The following TMX3 variants were observed in gnomAD, a reference collection of about 807,000 sequenced individuals.
TMX3 encodes protein disulfide-isomerase TMX3.
In TMX3, 40 loss-of-function variants were observed where a neutral mutation model predicts 64.4. The ratio of observed to expected loss-of-function variants is 0.62; its 90% confidence interval spans 0.48 to 0.81. The LOEUF (loss-of-function observed/expected upper bound fraction) is 0.81. Ranked by LOEUF, TMX3 falls within the 30% of genes least tolerant of loss-of-function variation. The pLI is 0.00. For synonymous variants in TMX3, 189 were observed against 175.7 expected (o/e 1.08, Z -0.60); for missense variants, 497 against 534.5 (o/e 0.93, Z 0.69).
chr18:68,708,023 A>G (rs927162469), intron 4 of TMX3, among the ~76,000 whole-genome samples: 1 of 128,374 alleles, frequency 7.8e-6, no homozygotes, highest in Non-Finnish European at 1.5e-5. Flanking sequence ...ATGTGTATAT[A>G]TGTGTATATG....
chr18:68,679,823 C>A (rs540490357), intron 14 of TMX3, among the ~76,000 whole-genome samples: 1 of 152,260 alleles, frequency 6.6e-6, no homozygotes, highest in Admixed American at 6.5e-5. Context: ...GACAGCCTAA[C>A]CAGCTTTTGA....
intron 8 of TMX3, among the ~76,000 whole-genome samples, chr18:68,695,260 A>G (rs1329354638): frequency 3.9e-5 from 6 of 152,156 alleles, no homozygotes; most frequent in African/African-American, 1.4e-4. Flanking sequence ...CACTTCTTTT[A>G]AAACACTTCG....
At chr18:68,713,736 T>A in intron 2 of TMX3, 110 bp downstream of exon 2, 4 of 481,674 alleles carry the variant, frequency 8.3e-6, no homozygotes, top group Non-Finnish European at 1.4e-5. Flanking sequence ...AAAAAATGAG[T>A]GATATATAAA....
At position 68,714,439 on chromosome 18, in the gene TMX3, G is replaced by A. The variant is rs141942188; in HGVS notation, c.46+497C>T. On this transcript the variant is annotated intron_variant, in intron 1 of 15. Transcript: ENST00000299608. ...GAGAATGAGGGCACTCCATGCTGAC[G>A]GGAGGCAGCTGAGAACCGCTGACAC... is the stretch of plus-strand genomic sequence containing the variant. 1.4e-3 allele frequency: 234 copies of A among 161,850 alleles called. 2 individuals are homozygous for A. The highest frequency in any genetic ancestry group is 5.4e-3 in the African/African-American group (226 of 41,720). 10.0% of individuals were successfully genotyped at this position (161,850 alleles called of 1,614,324 possible).
At chr18:68,685,090 T>C (rs1913813952) in intron 10 of TMX3, among the ~76,000 whole-genome samples, 1 of 151,974 alleles carries the variant, frequency 6.6e-6, no homozygotes, top group African/African-American at 2.4e-5. Context: ...ACCAGAAGAG[T>C]GGTGTTAGAA....
intron 4 of TMX3, among the ~76,000 whole-genome samples, chr18:68,707,715 C>T (rs1255590891): frequency 2.6e-5 from 4 of 152,150 alleles, no homozygotes; most frequent in Non-Finnish European, 4.4e-5. Flanking sequence ...ACTTACTGCT[C>T]TTGTTGGTTT....
At chr18:68,679,905 G>A (rs1267527740) in intron 14 of TMX3, among the ~76,000 whole-genome samples, 1 of 152,112 alleles carries the variant, frequency 6.6e-6, no homozygotes, top group African/African-American at 2.4e-5. Flanking sequence ...GCTTCCCTGA[G>A]GATGAAAGTG....
At chr18:68,685,306 T>A (rs1177709657) in intron 10 of TMX3, among the ~76,000 whole-genome samples, 1 of 152,206 alleles carries the variant, frequency 6.6e-6, no homozygotes, top group Non-Finnish European at 1.5e-5. Flanking sequence ...TACATACATG[T>A]AGGATTAAAT....
chr18:68,681,579 G>A (rs1263441520), intron 13 of TMX3: 2 of 985,026 alleles, frequency 2.0e-6, no homozygotes, highest in Non-Finnish European at 2.4e-6. Context: ...GAAGTAAGGT[G>A]ATGCTACATT....
intron 8 of TMX3, among the ~76,000 whole-genome samples, 169 bp from the exon 9 acceptor site, chr18:68,691,530 G>A (rs529896374): frequency 6.6e-6 from 1 of 152,262 alleles, no homozygotes; most frequent in East Asian, 1.9e-4. Context: ...CATCCAAGAA[G>A]TATATCTGAA....
intron 15 of TMX3, 98 bp from the exon 16 acceptor site, chr18:68,677,291 T>C (rs779076748): frequency 1.5e-5 from 20 of 1,345,894 alleles, no homozygotes; most frequent in Admixed American, 2.4e-5. Flanking sequence ...CTCTTGTTGC[T>C]ATTCAGCTTG....
intron 8 of TMX3, among the ~76,000 whole-genome samples, chr18:68,693,207 C>T (rs781610454): frequency 1.4e-4 from 21 of 152,190 alleles, no homozygotes; most frequent in Non-Finnish European, 2.2e-4. Flanking sequence ...AGTGGCAGCC[C>T]GTCTGGAGCA....
chr18:68,674,674 C>T lies in TMX3; in HGVS notation c.*2259G>A, dbSNP rs1180969269. ...TTGAAGGGAACAGCATACGAGCAAACAAATTTTAGAATCTGTTTTGTGAAT... is the reference window on the plus strand; with the variant it reads ...TTGAAGGGAACAGCATACGAGCAAATAAATTTTAGAATCTGTTTTGTGAAT... On this transcript the variant is annotated 3_prime_UTR_variant, in exon 16 of 16. Transcript: ENST00000299608. 1 of 151,976 alleles carries T rather than the reference C, an allele frequency of 6.6e-6. No homozygotes were observed. Among genetic ancestry groups the T allele is most frequent in the Admixed American group, 6.6e-5 (1 of 15,248 alleles). The allele number at this position is 151,976 out of a possible 1,614,324, so 9.4% of individuals were successfully genotyped here. A position where few individuals can be genotyped will look rare whatever the true frequency, so the allele number is the denominator to read the frequency against.
At chr18:68,690,867 A>G (rs1914453657) in intron 9 of TMX3, 1 of 163,860 alleles carries the variant, frequency 6.1e-6, no homozygotes, top group Non-Finnish European at 1.3e-5. Context: ...GCTGAATAGC[A>G]GGTAAGCAGT....
chr18:68,704,905 T>G (rs1295834719), intron 4 of TMX3, among the ~76,000 whole-genome samples: 3 of 152,218 alleles, frequency 2.0e-5, no homozygotes, highest in African/African-American at 7.2e-5. Context: ...CTCAGTCATT[T>G]CACTTCTAGT....
chr18:68,682,798 G>A, intron 13 of TMX3, 127 bp downstream of exon 13: 1 of 654,510 alleles, frequency 1.5e-6, no homozygotes. Context: ...TTTAATGGGA[G>A]AATATCTGCA....
In TMX3 at chr18:68,676,976, G is replaced by T. The variant is rs1264139259; in HGVS notation, c.1322C>A (p.Thr441Lys). 3 of 1,613,706 alleles carry T rather than the reference G, an allele frequency of 1.9e-6. No individual in the cohort carries two copies. The highest frequency in any genetic ancestry group is 2.5e-6 in the Non-Finnish European group (3 of 1,179,780). ...EPSSGGSVVP[T>K]VQEPKDVLEK... is the part of the protein sequence containing the mutation. ...TAATACATCCTTGGGCTCCTGCACTGTAGGCACTACAGATCCTCCACTGCT... is the reference window on the plus strand; with the variant it reads ...TAATACATCCTTGGGCTCCTGCACTTTAGGCACTACAGATCCTCCACTGCT... Residue 441 changes from threonine to lysine, a missense_variant, in exon 16 of 16, where the codon ACA (threonine) becomes AAA (lysine). Thr to Lys is a moderately conservative substitution (Grantham distance 78). Coordinates refer to ENST00000299608, the MANE Select transcript of TMX3 (RefSeq NM_019022.5).
intron 2 of TMX3, 78 bp downstream of exon 2, chr18:68,713,768 T>C (rs1452252240): frequency 4.1e-6 from 3 of 737,350 alleles, no homozygotes; most frequent in South Asian, 8.1e-5. Context: ...ATCTAAAATA[T>C]TAGAATCACA....
intron 14 of TMX3, 72 bp downstream of exon 14, chr18:68,680,909 A>G: frequency 2.9e-6 from 4 of 1,380,100 alleles, no homozygotes; most frequent in Non-Finnish European, 3.8e-6. Flanking sequence ...CAGAATCACA[A>G]GTAAAGAAAT....
Sources: gnomAD v4.1 joint callset for allele counts (sites outside exome capture counted in the v4.1 genomes callset) on GRCh38, gnomAD v4.1.1 for gene constraint, MANE v1.5 for transcripts, NCBI Gene and HGNC (gene_info 2026-07-23, HGNC 2026-07-21) for gene names.